ADAMTSL1: variants seen among roughly 807,000 people sequenced by gnomAD.
ADAMTSL1 encodes ADAMTS like 1.
Under a neutral mutation model 201.8 loss-of-function variants are expected in ADAMTSL1, and 126 were observed. The ratio of observed to expected loss-of-function variants is 0.62; its 90% CI spans 0.54 to 0.72. The LOEUF (loss-of-function observed/expected upper bound fraction) is 0.72. Ranked by LOEUF, ADAMTSL1 falls within the 30% of genes least tolerant of loss-of-function variation. The pLI, the probability that ADAMTSL1 is intolerant of heterozygous loss-of-function variation, is 0.00. For synonymous variants in ADAMTSL1, 1,121 were observed against 903.4 expected, an observed-to-expected ratio of 1.24 and a Z score of -4.32; for missense variants, 2,679 against 2,277.8, an observed-to-expected ratio of 1.18 and a Z score of -3.59.
At chr9:18,567,330 G>A (rs1821976162) in intron 3 of ADAMTSL1, among the ~76,000 whole-genome samples, 1 of 152,112 alleles carries the variant, frequency 6.6e-6, no homozygotes, top group Non-Finnish European at 1.5e-5. Context: ...GCCAGGTATG[G>A]TGGCACACAC....
At chr9:18,000,206 T>A (rs929365965) in intron 1 of ADAMTSL1, among the ~76,000 whole-genome samples, 1 of 151,272 alleles carries the variant, frequency 6.6e-6, no homozygotes, top group African/African-American at 2.4e-5. Context: ...GTTGAACTAG[T>A]TTACAGTCCC....
chr9:17,936,961 T>C (rs1159291218), intron 1 of ADAMTSL1, among the ~76,000 whole-genome samples: 1 of 151,956 alleles, frequency 6.6e-6, no homozygotes, highest in Non-Finnish European at 1.5e-5. Flanking sequence ...ATGGACATGG[T>C]TTTGTACCTG....
intron 1 of ADAMTSL1, among the ~76,000 whole-genome samples, chr9:18,141,178 C>CA (rs1179968614): frequency 6.6e-6 from 1 of 152,106 alleles, no homozygotes; most frequent in East Asian, 1.9e-4. Context: ...CACAGGTGGA[C>CA]ACGGTTTACC....
intron 1 of ADAMTSL1, among the ~76,000 whole-genome samples, chr9:18,005,539 T>C (rs763280495): frequency 6.6e-6 from 1 of 152,060 alleles, no homozygotes; most frequent in Non-Finnish European, 1.5e-5. Context: ...TTAGCCTTTG[T>C]TCTCCCCTCC....
intron 15 of ADAMTSL1, among the ~76,000 whole-genome samples, chr9:18,727,689 A>G (rs1178930553): frequency 2.0e-5 from 3 of 152,210 alleles, no homozygotes; most frequent in Non-Finnish European, 4.4e-5. Context: ...TTTCCTAGAT[A>G]TTCTTTTCCA....
intron 2 of ADAMTSL1, among the ~76,000 whole-genome samples, chr9:18,279,567 T>C (rs1832706614): frequency 6.6e-6 from 1 of 151,512 alleles, no homozygotes; most frequent in South Asian, 2.1e-4. Context: ...GGGAAAACCC[T>C]TCACCAATCG....
intron 1 of ADAMTSL1, among the ~76,000 whole-genome samples, chr9:18,070,701 A>G (rs1035255702): frequency 6.6e-6 from 1 of 152,180 alleles, no homozygotes; most frequent in Non-Finnish European, 1.5e-5. Flanking sequence ...AAGGAGTCTT[A>G]TAGCCAAACC....
chr9:18,115,974 G>C (rs1825232498), intron 1 of ADAMTSL1, among the ~76,000 whole-genome samples: 1 of 152,062 alleles, frequency 6.6e-6, no homozygotes, highest in Non-Finnish European at 1.5e-5. Flanking sequence ...CTGCATTCTA[G>C]TTTTACTAAG....
intron 1 of ADAMTSL1, among the ~76,000 whole-genome samples, chr9:17,913,330 A>G (rs1183922831): frequency 6.6e-6 from 1 of 152,232 alleles, no homozygotes; most frequent in Non-Finnish European, 1.5e-5. Flanking sequence ...ACCCATGAGC[A>G]TGGAATGTTC....
At chr9:17,942,367 A>T (rs1021286127) in intron 1 of ADAMTSL1, among the ~76,000 whole-genome samples, 5 of 152,180 alleles carry the variant, frequency 3.3e-5, no homozygotes, top group African/African-American at 1.2e-4. Context: ...TTTCTAAGTT[A>T]TCTGTTGATA....
chr9:18,101,478 A>G (rs572738048), intron 1 of ADAMTSL1, among the ~76,000 whole-genome samples: 1 of 151,820 alleles, frequency 6.6e-6, no homozygotes, highest in South Asian at 2.1e-4. Context: ...AGCCTGGGCA[A>G]CAGGGTGAGA....
At chr9:18,594,299 T>C (rs1824115204) in intron 4 of ADAMTSL1, among the ~76,000 whole-genome samples, 1 of 152,184 alleles carries the variant, frequency 6.6e-6, no homozygotes, top group Admixed American at 6.5e-5. Flanking sequence ...TCTTTTCTTT[T>C]ACCTTTGTGA....
intron 23 of ADAMTSL1, among the ~76,000 whole-genome samples, chr9:18,859,160 C>A (rs1186278559): frequency 6.6e-6 from 1 of 152,184 alleles, no homozygotes; most frequent in African/African-American, 2.4e-5. Flanking sequence ...TGTTACAGTT[C>A]TGGAGGTCAG....
Position 17,934,807 on chromosome 9 carries a change from G to A in ADAMTSL1, c.87+27885G>A, listed in dbSNP as rs562450879. Among the ~76,000 whole-genome samples the A allele has an allele frequency of 9.5e-4, 142 of 149,702 alleles. 2 individuals carry two copies. The highest frequency in any genetic ancestry group is 2.7e-3 in the Admixed American group (41 of 14,932). On this transcript the variant is annotated intron_variant, in intron 1 of 29. Coordinates refer to the ADAMTSL1 transcript ENST00000680146. The stretch of plus-strand genomic sequence containing the variant: ...CTACCCATTTCCCCCACAAAGACCC[G>A]TCATTCTACTTGGCGCCCCAGACTC...
intron 2 of ADAMTSL1, among the ~76,000 whole-genome samples, chr9:18,274,639 T>G (rs114834524): frequency 0.015 from 2,311 of 152,288 alleles, 65 homozygotes; most frequent in African/African-American, 0.053. Context: ...ATTTTTATTA[T>G]ATAATAAGTG....
At chr9:18,430,719 G>T (rs1819449968) in intron 2 of ADAMTSL1, among the ~76,000 whole-genome samples, 1 of 152,248 alleles carries the variant, frequency 6.6e-6, no homozygotes, top group African/African-American at 2.4e-5. Flanking sequence ...ACTTCTCCTT[G>T]CACCAAGCAC....
chr9:18,128,377 C>T (rs982194908), intron 1 of ADAMTSL1, among the ~76,000 whole-genome samples: 3 of 151,932 alleles, frequency 2.0e-5, no homozygotes, highest in African/African-American at 7.3e-5. Context: ...TTTTTTTTCC[C>T]TGGAGACAGG....
intron 14 of ADAMTSL1, among the ~76,000 whole-genome samples, chr9:18,716,818 G>C (rs1832974214): frequency 7.2e-6 from 1 of 139,738 alleles, no homozygotes; most frequent in Non-Finnish European, 1.5e-5. Flanking sequence ...ATTCACAATA[G>C]CAAAGACTTG....
intron 1 of ADAMTSL1, among the ~76,000 whole-genome samples, chr9:18,079,260 T>A (rs1249862019): frequency 6.6e-6 from 1 of 152,238 alleles, no homozygotes; most frequent in East Asian, 1.9e-4. Flanking sequence ...TAAAGTAATT[T>A]ACACTCTTTT....
Sources: allele counts gnomAD v4.1 joint callset (sites outside exome capture counted in the v4.1 genomes callset), GRCh38; gene constraint gnomAD v4.1.1; transcripts MANE v1.5; gene names NCBI Gene and HGNC (gene_info 2026-07-23, HGNC 2026-07-21).